Variants in PPP1CB observed in about 807,000 individuals in gnomAD.
PPP1CB encodes the protein protein phosphatase 1 catalytic subunit beta, also known as serine/threonine-protein phosphatase PP1-beta catalytic subunit.
PPP1CB carries 2 observed loss-of-function variants against 43.7 expected under a neutral mutation model. The ratio of observed to expected loss-of-function variants is 0.05; its 90% CI spans 0.02 to 0.14. PPP1CB has a LOEUF of 0.14. Ranked by LOEUF, PPP1CB falls within the 10% of genes least tolerant of loss-of-function variation. The probability of loss-of-function intolerance (pLI) is 1.00; values close to 1 mark genes in which losing one functional copy is unlikely to be tolerated. For missense variants in PPP1CB, 84 were observed against 398.0 expected (o/e 0.21, Z 6.71); for synonymous variants, 136 against 135.6 (o/e 1.00, Z -0.02).
At chr2:28,793,671 A>G (rs183005616) in intron 6 of PPP1CB, among the ~76,000 whole-genome samples, 192 bp from the exon 7 acceptor site, 1 of 152,268 alleles carries the variant, frequency 6.6e-6, no homozygotes, top group East Asian at 1.9e-4. Context: ...AATTGTTTCC[A>G]TTATAGAAAA....
intron 6 of PPP1CB, among the ~76,000 whole-genome samples, chr2:28,789,748 A>G (rs974051966): frequency 6.6e-6 from 1 of 150,700 alleles, no homozygotes; most frequent in African/African-American, 2.4e-5. Context: ...ACAGGCACGC[A>G]CCACCACGCC....
chr2:28,783,810 T>C, intron 4 of PPP1CB, 97 bp from the exon 5 acceptor site: 1 of 797,842 alleles, frequency 1.3e-6, no homozygotes. Flanking sequence ...TAATTTCACA[T>C]AGTGAATCTA....
At position 28,799,233 on chromosome 2, in the gene PPP1CB, A is replaced by T; in HGVS notation, c.914A>T (p.Gln305Leu). Residue 305 changes from glutamine to leucine, a missense_variant, in exon 8 of 8, where the codon CAG becomes CTG. By Grantham distance (113) the Gln-to-Leu change is moderately radical (BLOSUM62 -2). Coordinates refer to ENST00000395366, the MANE Select transcript of PPP1CB (RefSeq NM_002709.3). ...LKPSEKKAKYQYGGLNSGRPV... is the reference protein window; with the variant it reads ...LKPSEKKAKYLYGGLNSGRPV... ...CCATCTGAAAAGAAAGCTAAATACC[A>T]GTATGGTGGACTGAATTCTGGACGT... 1 of 1,607,234 alleles carries T rather than the reference A, an allele frequency of 6.2e-7. No homozygotes were observed. Among genetic ancestry groups the T allele is most frequent in the African/African-American group, 1.3e-5 (1 of 74,870 alleles).
chr2:28,793,277 A>G (rs1667425767), intron 6 of PPP1CB, among the ~76,000 whole-genome samples: 1 of 152,230 alleles, frequency 6.6e-6, no homozygotes, highest in African/African-American at 2.4e-5. Flanking sequence ...CATGTAAATT[A>G]AACTCAACTT....
At chr2:28,753,501 ATTTACCTTTTCC>A (rs1666395491) in intron 1 of PPP1CB, among the ~76,000 whole-genome samples, 1 of 152,170 alleles carries the variant, frequency 6.6e-6, no homozygotes, top group Non-Finnish European at 1.5e-5. Context: ...AGGAACTCTT[ATTTACCTTTTCC>A]TTTACTATCA....
At chr2:28,775,438 T>TA (rs1420281904) in intron 1 of PPP1CB, among the ~76,000 whole-genome samples, 1 of 152,146 alleles carries the variant, frequency 6.6e-6, no homozygotes, top group East Asian at 1.9e-4. Flanking sequence ...GACAGGGTCT[T>TA]GCTCTGTCAC....
chr2:28,796,521 T>C (rs1667500832), intron 7 of PPP1CB, among the ~76,000 whole-genome samples: 1 of 152,158 alleles, frequency 6.6e-6, no homozygotes, highest in African/African-American at 2.4e-5. Flanking sequence ...GCTGTATTCC[T>C]TGATATTCTT....
At chr2:28,765,330 C>G (rs1311596126) in intron 1 of PPP1CB, among the ~76,000 whole-genome samples, 1 of 152,140 alleles carries the variant, frequency 6.6e-6, no homozygotes, top group Non-Finnish European at 1.5e-5. Context: ...TAGAAGATGT[C>G]TTTTTACACA....
chr2:28,787,902 G>T (rs1478138035), intron 5 of PPP1CB, among the ~76,000 whole-genome samples: 1 of 152,046 alleles, frequency 6.6e-6, no homozygotes, highest in Non-Finnish European at 1.5e-5. Context: ...CAATACTCAA[G>T]TAAATATTTT....
chr2:28,751,891 G>T lies in PPP1CB; in HGVS notation c.-234G>T, dbSNP rs1410481565. Reference sequence around the variant, plus strand: ...GCCTGGGTCTGACGCGGCCCTGTTCGAGGGGGCCTCTCTTGTTTATTTATT... The same window carrying T: ...GCCTGGGTCTGACGCGGCCCTGTTCTAGGGGGCCTCTCTTGTTTATTTATT... On this transcript the variant is annotated 5_prime_UTR_variant, in exon 1 of 8. Coordinates refer to ENST00000395366, the MANE Select transcript of PPP1CB (RefSeq NM_002709.3). 5.0e-6 allele frequency: 3 copies of T among 596,526 alleles called. No individual in the cohort carries two copies. Among genetic ancestry groups the T allele is most frequent in the South Asian group, 3.6e-5 (2 of 55,806 alleles). The allele number at this position is 596,526 out of a possible 1,614,324, so 37.0% of individuals were successfully genotyped here. A position where few individuals can be genotyped will look rare whatever the true frequency, so the allele number is the denominator to read the frequency against.
intron 5 of PPP1CB, among the ~76,000 whole-genome samples, chr2:28,787,925 C>G (rs1411092661): frequency 6.6e-6 from 1 of 152,144 alleles, no homozygotes; most frequent in East Asian, 1.9e-4. Context: ...ACCCTGACCT[C>G]TTTTCCAGGG....
intron 1 of PPP1CB, among the ~76,000 whole-genome samples, chr2:28,768,557 C>T (rs1049882591): frequency 6.6e-6 from 1 of 152,142 alleles, no homozygotes; most frequent in Non-Finnish European, 1.5e-5. Flanking sequence ...GTTAGAGGGG[C>T]CTTATTACAC....
chr2:28,755,002 C>T (rs1000847510), intron 1 of PPP1CB, among the ~76,000 whole-genome samples: 3 of 151,926 alleles, frequency 2.0e-5, no homozygotes, highest in Non-Finnish European at 4.4e-5. Flanking sequence ...TTATGAGTTG[C>T]TTTTTGTTTT....
In PPP1CB at chr2:28,802,835, T is replaced by C. The variant is rs1667650076; in HGVS notation, c.*3532T>C. 1 of 152,232 alleles carries C rather than the reference T, an allele frequency of 6.6e-6. No homozygotes were observed. The highest frequency in any genetic ancestry group is 1.5e-5 in the Non-Finnish European group (1 of 68,030). The allele number at this position is 152,232 out of a possible 1,614,324, so 9.4% of individuals were successfully genotyped here. On this transcript the variant is annotated 3_prime_UTR_variant, in exon 8 of 8. Coordinates refer to ENST00000395366, the MANE Select transcript of PPP1CB (RefSeq NM_002709.3). Reference sequence around the variant, plus strand: ...AGCTTGTTTTCTTCAACCACTACCTTCTACATTGGTTGACTTAGACCGTAA... The same window carrying C: ...AGCTTGTTTTCTTCAACCACTACCTCCTACATTGGTTGACTTAGACCGTAA...
intron 6 of PPP1CB, among the ~76,000 whole-genome samples, 186 bp from the exon 7 acceptor site, chr2:28,793,674 ATAG>A (rs1667434580): frequency 6.6e-6 from 1 of 152,186 alleles, no homozygotes; most frequent in Non-Finnish European, 1.5e-5. Context: ...TGTTTCCATT[ATAG>A]AAAAGGCACA....
At chr2:28,771,460 G>A (rs1666911441) in intron 1 of PPP1CB, among the ~76,000 whole-genome samples, 3 of 152,112 alleles carry the variant, frequency 2.0e-5, no homozygotes, top group Admixed American at 6.6e-5. Context: ...AAATTGGGAT[G>A]TTTATATTAC....
At chr2:28,794,447 T>A (rs567948326) in intron 7 of PPP1CB, among the ~76,000 whole-genome samples, 1 of 152,156 alleles carries the variant, frequency 6.6e-6, no homozygotes, top group African/African-American at 2.4e-5. Flanking sequence ...TCCCAGCACT[T>A]CGGGAGGCTG....
intron 1 of PPP1CB, among the ~76,000 whole-genome samples, chr2:28,762,195 G>T (rs1432199556): frequency 6.6e-6 from 1 of 152,204 alleles, no homozygotes; most frequent in Non-Finnish European, 1.5e-5. Context: ...TGAGGCACAA[G>T]AATTGCTTGA....
chr2:28,774,882 G>T (rs888165165), intron 1 of PPP1CB, among the ~76,000 whole-genome samples: 1 of 152,290 alleles, frequency 6.6e-6, no homozygotes, highest in Admixed American at 6.5e-5. Flanking sequence ...AATAAAAGCA[G>T]TTCTGCTGAT....
Sources: allele counts gnomAD v4.1 joint callset (sites outside exome capture counted in the v4.1 genomes callset), GRCh38; gene constraint gnomAD v4.1.1; transcripts MANE v1.5; gene names NCBI Gene and HGNC (gene_info 2026-07-23, HGNC 2026-07-21).